The following MYO1D variants were observed in gnomAD, a reference collection of about 807,000 sequenced individuals.
The protein encoded by MYO1D is myosin ID.
In MYO1D, 83 loss-of-function variants were observed where a neutral mutation model predicts 122.0. The ratio of observed to expected loss-of-function variants is 0.68; its 90% CI spans 0.57 to 0.82. MYO1D has a LOEUF of 0.82. Among genes scored for constraint, MYO1D ranks in the 40% least tolerant of loss-of-function variants. MYO1D has a pLI of 0.00. For missense variants in MYO1D, 1,157 were observed against 1,269.5 expected (o/e 0.91, Z 1.35); for synonymous variants, 464 against 446.9 (o/e 1.04, Z -0.48).
chr17:32,864,007 C>CTTTTTTTTTTTTTTTTTTTTTTTTTTTTT lies in MYO1D; in HGVS notation c.95+12742_95+12770dup, dbSNP rs560953120. Among the ~76,000 whole-genome samples the CTTTTTTTTTTTTTTTTTTTTTTTTTTTTT allele has an allele frequency of 1.0e-4, 5 of 48,960 alleles. 2 individuals are homozygous for CTTTTTTTTTTTTTTTTTTTTTTTTTTTTT. Among genetic ancestry groups the CTTTTTTTTTTTTTTTTTTTTTTTTTTTTT allele is most frequent in the Non-Finnish European group, 1.4e-4 (4 of 28,654 alleles). The allele number at this position is 48,960 out of a possible 152,430, so 32.1% of individuals were successfully genotyped here. A position where few individuals can be genotyped will look rare whatever the true frequency, so the allele number is the denominator to read the frequency against. ...TAATTTTGGTTACAAACATTTCTTC[C>CTTTTTTTTTTTTTTTTTTTTTTTTTTTTT]TTTTTTTTTTTTTTTTTTTTTTTTT... is the stretch of plus-strand genomic sequence containing the variant. On this transcript the variant is annotated intron_variant, in intron 1 of 21. Coordinates refer to ENST00000318217, the MANE Select transcript of MYO1D (RefSeq NM_015194.3).
chr17:32,739,799 A>G (rs1456485815), intron 13 of MYO1D, among the ~76,000 whole-genome samples: 1 of 152,212 alleles, frequency 6.6e-6, no homozygotes, highest in Non-Finnish European at 1.5e-5. Flanking sequence ...TTCTGTATGT[A>G]GGTGCTCAAA....
At chr17:32,677,075 G>A (rs1051313677) in intron 16 of MYO1D, among the ~76,000 whole-genome samples, 6 of 152,130 alleles carry the variant, frequency 3.9e-5, no homozygotes, top group African/African-American at 1.4e-4. Flanking sequence ...CTCCCAAAGT[G>A]CTAGGATTAC....
intron 21 of MYO1D, chr17:32,594,516 T>A (rs762154405): frequency 7.2e-5 from 44 of 614,090 alleles, no homozygotes; most frequent in Non-Finnish European, 1.3e-4. Context: ...GGCCTGTTTA[T>A]GTAGAATCTA....
At chr17:32,636,762 C>T (rs1037772323) in intron 20 of MYO1D, among the ~76,000 whole-genome samples, 10 of 152,208 alleles carry the variant, frequency 6.6e-5, no homozygotes, top group Admixed American at 2.0e-4. Context: ...AGTATTTATA[C>T]CCCACACTTA....
At chr17:32,869,640 G>A (rs2091161216) in intron 1 of MYO1D, among the ~76,000 whole-genome samples, 2 of 152,204 alleles carry the variant, frequency 1.3e-5, no homozygotes, top group African/African-American at 4.8e-5. Flanking sequence ...TCAACGAACA[G>A]CTCTCCACAT....
intron 21 of MYO1D, among the ~76,000 whole-genome samples, chr17:32,558,796 A>T (rs1409468610): frequency 2.0e-5 from 3 of 152,248 alleles, no homozygotes; most frequent in African/African-American, 7.2e-5. Flanking sequence ...TCTTGGGACA[A>T]GACACTGAGG....
chr17:32,577,148 G>C (rs2087286229), intron 21 of MYO1D, among the ~76,000 whole-genome samples: 1 of 152,090 alleles, frequency 6.6e-6, no homozygotes, highest in African/African-American at 2.4e-5. Context: ...CTACTCAGGA[G>C]GGTGAGACAG....
intron 21 of MYO1D, among the ~76,000 whole-genome samples, chr17:32,579,628 T>G (rs1223477935): frequency 6.6e-6 from 1 of 152,180 alleles, no homozygotes; most frequent in Non-Finnish European, 1.5e-5. Context: ...CCCCAAAGGT[T>G]TCTTGTGCTG....
chr17:32,529,861 C>A (rs190253059), intron 21 of MYO1D: 2 of 152,340 alleles, frequency 1.3e-5, no homozygotes, highest in East Asian at 3.9e-4. Flanking sequence ...TGACTCCCAA[C>A]GCGTAAACAA....
In MYO1D at chr17:32,721,177, C is replaced by T. The variant is rs143604215; in HGVS notation, c.1759G>A (p.Val587Ile). 8.1e-6 allele frequency: 13 copies of T among 1,612,886 alleles called. No individual in the cohort carries two copies. Among genetic ancestry groups the T allele is most frequent in the African/African-American group, 2.7e-5 (2 of 74,842 alleles). The part of the protein sequence containing the change: ...DNLASKEPYY[V>I]RCIKPNDKKS... The stretch of plus-strand genomic sequence containing the variant: ...TTGTCATTGGGTTTGATGCAACGAA[C>T]GTAATATGGTTCCTAAAGAAATAAA... Residue 587 changes from valine to isoleucine, a missense_variant, in exon 15 of 22, where the codon GTT (valine) becomes ATT (isoleucine). Transcript: ENST00000318217.
chr17:32,770,707 C>T (rs890428192), intron 6 of MYO1D, among the ~76,000 whole-genome samples: 3 of 152,140 alleles, frequency 2.0e-5, no homozygotes, highest in African/African-American at 7.2e-5. Flanking sequence ...TCAAAATCAA[C>T]ATTTGAACAA....
intron 21 of MYO1D, among the ~76,000 whole-genome samples, chr17:32,535,154 T>A (rs563509505): frequency 1.0e-3 from 152 of 152,292 alleles, no homozygotes; most frequent in Middle Eastern, 3.4e-3. Flanking sequence ...CTATTAGAGG[T>A]TCTTTTTCAG....
intron 16 of MYO1D, among the ~76,000 whole-genome samples, chr17:32,691,404 C>CTTTTT (rs57902806): frequency 1.2e-4 from 13 of 110,420 alleles, no homozygotes; most frequent in Non-Finnish European, 1.8e-4. Flanking sequence ...AAAGAAAATT[C>CTTTTT]TTTTTTTTTT....
At chr17:32,602,072 T>A (rs2087568881) in intron 21 of MYO1D, among the ~76,000 whole-genome samples, 1 of 152,242 alleles carries the variant, frequency 6.6e-6, no homozygotes, top group Non-Finnish European at 1.5e-5. Flanking sequence ...TGTCTTGTTT[T>A]GTTTTCTTTT....
At chr17:32,605,593 C>A (rs1454041740) in intron 20 of MYO1D, among the ~76,000 whole-genome samples, 1 of 151,948 alleles carries the variant, frequency 6.6e-6, no homozygotes, top group Non-Finnish European at 1.5e-5. Context: ...ATTAATGAAA[C>A]AGGGATGGTT....
intron 21 of MYO1D, among the ~76,000 whole-genome samples, chr17:32,589,489 A>T (rs321172): frequency 2.0e-5 from 3 of 151,970 alleles, no homozygotes; most frequent in Non-Finnish European, 2.9e-5. Flanking sequence ...GGAGTAGGGC[A>T]ATGTAAGGAT....
intron 21 of MYO1D, among the ~76,000 whole-genome samples, chr17:32,586,162 C>G (rs1388913412): frequency 6.6e-6 from 1 of 152,176 alleles, no homozygotes; most frequent in Non-Finnish European, 1.5e-5. Context: ...AACACCTGAG[C>G]AAACCATAAG....
Position 32,493,833 on chromosome 17 carries a change from C to A in MYO1D, c.*926G>T, listed in dbSNP as rs553415816. 1 of 152,358 alleles carries A rather than the reference C, an allele frequency of 6.6e-6. No homozygotes were observed. The highest frequency in any genetic ancestry group is 1.9e-4 in the East Asian group (1 of 5,180). The allele number at this position is 152,358 out of a possible 1,614,324, so 9.4% of individuals were successfully genotyped here. A position where few individuals can be genotyped will look rare whatever the true frequency, so the allele number is the denominator to read the frequency against. Reference sequence around the variant, plus strand: ...CCCGTCATCCCGTGTCTTGACCCCGCCCTTGCTGTTTCTCTGAGTAGGAAA... The same window carrying A: ...CCCGTCATCCCGTGTCTTGACCCCGACCTTGCTGTTTCTCTGAGTAGGAAA... On this transcript the variant is annotated 3_prime_UTR_variant, in exon 22 of 22. Coordinates refer to ENST00000318217, the MANE Select transcript of MYO1D (RefSeq NM_015194.3).
intron 20 of MYO1D, among the ~76,000 whole-genome samples, chr17:32,618,317 T>C (rs1414370000): frequency 6.6e-6 from 1 of 152,188 alleles, no homozygotes; most frequent in Non-Finnish European, 1.5e-5. Context: ...GTTTATATCA[T>C]TGATTGACAA....
Sources: gnomAD v4.1 joint callset for allele counts (sites outside exome capture counted in the v4.1 genomes callset) on GRCh38, gnomAD v4.1.1 for gene constraint, MANE v1.5 for transcripts, NCBI Gene and HGNC (gene_info 2026-07-23, HGNC 2026-07-21) for gene names.